Variants in EPHB1 observed in about 807,000 individuals in gnomAD.
EPHB1 encodes the protein ephrin type-B receptor 1.
EPHB1 carries 30 observed loss-of-function variants against 94.4 expected under a neutral mutation model. The observed-to-expected ratio is 0.32, with a 90% confidence interval of 0.24 to 0.43. The LOEUF is 0.43. Among genes scored for constraint, EPHB1 ranks in the 20% least tolerant of loss-of-function variants. The probability of loss-of-function intolerance (pLI) is 1.00; values close to 1 mark genes in which losing one functional copy is unlikely to be tolerated. For synonymous variants in EPHB1, 522 were observed against 489.1 expected, an observed-to-expected ratio of 1.07 and a Z score of -0.89; for missense variants, 1,055 against 1,308.3, an observed-to-expected ratio of 0.81 and a Z score of 2.99.
intron 1 of EPHB1, among the ~76,000 whole-genome samples, chr3:134,889,761 G>C (rs565943877): frequency 6.6e-6 from 1 of 151,290 alleles, no homozygotes; most frequent in African/African-American, 2.4e-5. Context: ...TGCTGCAAGC[G>C]CCGCCTTCCG....
At chr3:135,091,510 T>TG (rs1214336112) in intron 3 of EPHB1, among the ~76,000 whole-genome samples, 11 of 152,068 alleles carry the variant, frequency 7.2e-5, no homozygotes, top group African/African-American at 2.7e-4. Flanking sequence ...ACGGCAGGCA[T>TG]GGAGAGGTAG....
At chr3:134,849,864 A>G (rs528565607) in intron 1 of EPHB1, among the ~76,000 whole-genome samples, 6 of 152,216 alleles carry the variant, frequency 3.9e-5, no homozygotes, top group Non-Finnish European at 7.4e-5. Context: ...ATCTGCCTTT[A>G]CTGGGCTGGG....
At chr3:135,030,971 G>T (rs1479498867) in intron 3 of EPHB1, among the ~76,000 whole-genome samples, 1 of 152,186 alleles carries the variant, frequency 6.6e-6, no homozygotes, top group Non-Finnish European at 1.5e-5. Flanking sequence ...ATTCGGGTGG[G>T]TGTGACCCTA....
At chr3:134,865,750 C>T (rs746920496) in intron 1 of EPHB1, among the ~76,000 whole-genome samples, 9 of 151,612 alleles carry the variant, frequency 5.9e-5, no homozygotes, top group Admixed American at 1.3e-4. Flanking sequence ...AGATGCAAAA[C>T]AGAGTGTTTC....
chr3:134,795,846 C>T (rs1312487724), intron 1 of EPHB1, among the ~76,000 whole-genome samples, 157 bp downstream of exon 1: 4 of 152,332 alleles, frequency 2.6e-5, no homozygotes, highest in South Asian at 4.1e-4. Flanking sequence ...CTGCCGAGCG[C>T]GGGGCTTGGG....
intron 1 of EPHB1, among the ~76,000 whole-genome samples, chr3:134,813,712 C>G (rs937418147): frequency 1.3e-5 from 2 of 152,170 alleles, no homozygotes; most frequent in African/African-American, 4.8e-5. Flanking sequence ...CTTTCAATGA[C>G]AGTCTCAGGA....
Position 135,160,142 on chromosome 3 carries a change from C to A in EPHB1, c.1423-1876C>A, listed in dbSNP as rs73862038. ...ACCAGTCCACCCACAGATGTTACAT[C>A]CCCAGAGGAAAGGAACCATGCCTTT... On this transcript the variant is annotated intron_variant, in intron 6 of 15. Transcript: ENST00000398015. Among the ~76,000 whole-genome samples, 1,039 of 152,254 alleles carry A rather than the reference C, an allele frequency of 6.8e-3. 15 individuals carry two copies. Among genetic ancestry groups the A allele is most frequent in the African/African-American group, 0.023 (973 of 41,528 alleles).
At chr3:134,960,692 C>T (rs568907366) in intron 3 of EPHB1, among the ~76,000 whole-genome samples, 1 of 152,190 alleles carries the variant, frequency 6.6e-6, no homozygotes, top group South Asian at 2.1e-4. Flanking sequence ...TACAATAGGC[C>T]CCTGGAGAGG....
At chr3:135,096,149 C>T (rs751611219) in intron 3 of EPHB1, among the ~76,000 whole-genome samples, 16 of 152,216 alleles carry the variant, frequency 1.1e-4, no homozygotes, top group Non-Finnish European at 2.1e-4. Context: ...TTGTGGAAAA[C>T]ATCTTGAGGA....
At chr3:134,814,280 G>C (rs1451782483) in intron 1 of EPHB1, among the ~76,000 whole-genome samples, 1 of 152,188 alleles carries the variant, frequency 6.6e-6, no homozygotes, top group Non-Finnish European at 1.5e-5. Flanking sequence ...GAGACTTTTT[G>C]CTAGGGTATA....
chr3:135,196,688 G>A (rs963541751), intron 11 of EPHB1, among the ~76,000 whole-genome samples: 38 of 152,218 alleles, frequency 2.5e-4, no homozygotes, highest in African/African-American at 8.7e-4. Context: ...AAAGGAAAAG[G>A]ATTAGTCTTC....
At chr3:135,103,421 A>C (rs1460986247) in intron 3 of EPHB1, among the ~76,000 whole-genome samples, 3 of 152,230 alleles carry the variant, frequency 2.0e-5, no homozygotes, top group Admixed American at 6.5e-5. Context: ...TCTGACCCTG[A>C]ATTCTAAAAG....
chr3:135,114,832 C>T (rs1939625951), intron 4 of EPHB1, among the ~76,000 whole-genome samples: 1 of 152,008 alleles, frequency 6.6e-6, no homozygotes, highest in Non-Finnish European at 1.5e-5. Context: ...TTACTATTAT[C>T]AGAGTTGTCT....
intron 3 of EPHB1, among the ~76,000 whole-genome samples, chr3:135,068,089 C>G (rs1937607407): frequency 6.6e-6 from 1 of 152,136 alleles, no homozygotes; most frequent in Admixed American, 6.5e-5. Context: ...AGGTCACTTC[C>G]TTCAGAGGGT....
At chr3:135,084,056 AT>A (rs991281549) in intron 3 of EPHB1, among the ~76,000 whole-genome samples, 3 of 151,934 alleles carry the variant, frequency 2.0e-5, no homozygotes, top group Non-Finnish European at 4.4e-5. Context: ...TCAAGAATAG[AT>A]TTTTTTTCTT....
At chr3:134,978,194 G>A (rs186050485) in intron 3 of EPHB1, 1 of 314,764 alleles carries the variant, frequency 3.2e-6, no homozygotes, top group South Asian at 2.5e-5. Flanking sequence ...CACTGTGGAA[G>A]AGCTCAACCT....
intron 3 of EPHB1, among the ~76,000 whole-genome samples, chr3:135,099,297 TTGGATGGA>T (rs1194942230): frequency 2.1e-5 from 3 of 143,860 alleles, no homozygotes; most frequent in Non-Finnish European, 4.5e-5. Context: ...AACTAGTACA[TTGGATGGA>T]TGGATGGATG....
rs187544916 is a variant in EPHB1 at position 135,225,053 on chromosome 3, G to T, written c.2347-16095G>T. On this transcript the variant is annotated intron_variant, in intron 12 of 15. Coordinates refer to ENST00000398015, the MANE Select transcript of EPHB1 (RefSeq NM_004441.5). ...TTGAGGGGAGGGGAGAGCACGTTGAGGGGGGAAGCAGACAAGCTCCTCTCT... is the reference window on the plus strand; with the variant it reads ...TTGAGGGGAGGGGAGAGCACGTTGATGGGGGAAGCAGACAAGCTCCTCTCT... Among the ~76,000 whole-genome samples, 7 of 152,238 alleles carry T rather than the reference G, an allele frequency of 4.6e-5. No homozygotes were observed. The East Asian group carries it at 9.7e-4, about 21-fold the overall frequency.
chr3:134,874,617 G>C (rs1466052330), intron 1 of EPHB1, among the ~76,000 whole-genome samples: 1 of 152,234 alleles, frequency 6.6e-6, no homozygotes, highest in African/African-American at 2.4e-5. Context: ...GCAGCATTGG[G>C]ATGGTGGGTC....
Sources: gnomAD v4.1 joint callset for allele counts (sites outside exome capture counted in the v4.1 genomes callset) on GRCh38, gnomAD v4.1.1 for gene constraint, MANE v1.5 for transcripts, NCBI Gene and HGNC (gene_info 2026-07-23, HGNC 2026-07-21) for gene names.